The following SMYD3 variants were observed in gnomAD, a reference collection of about 807,000 sequenced individuals.
SMYD3 encodes histone-lysine N-methyltransferase SMYD3.
A neutral mutation model predicts 57.7 loss-of-function variants in SMYD3; 36 were observed. The ratio of observed to expected loss-of-function variants is 0.62; its 90% CI spans 0.48 to 0.82. SMYD3 has a LOEUF of 0.82. Among genes scored for constraint, SMYD3 ranks in the 40% least tolerant of loss-of-function variants. SMYD3 has a pLI of 0.00. For synonymous variants in SMYD3, 211 were observed against 195.0 expected, an observed-to-expected ratio of 1.08 and a Z score of -0.68; for missense variants, 515 against 538.8, an observed-to-expected ratio of 0.96 and a Z score of 0.44.
chr1:246,072,427 C>A (rs925020124), intron 5 of SMYD3, among the ~76,000 whole-genome samples: 1 of 152,206 alleles, frequency 6.6e-6, no homozygotes, highest in African/African-American at 2.4e-5. Flanking sequence ...GGGAGGGATT[C>A]GTGTGCTTTC....
intron 1 of SMYD3, among the ~76,000 whole-genome samples, chr1:246,432,794 T>TTTTTTAAATAAG (rs2067316910): frequency 6.6e-6 from 1 of 152,212 alleles, no homozygotes; most frequent in African/African-American, 2.4e-5. Context: ...TTCCGAAAGC[T>TTTTTTAAATAAG]TTTTTTAATA....
chr1:246,465,511 G>A (rs948042322), intron 1 of SMYD3, among the ~76,000 whole-genome samples: 1 of 152,116 alleles, frequency 6.6e-6, no homozygotes, highest in African/African-American at 2.4e-5. Flanking sequence ...AATGAAGGAA[G>A]TTGAAAAGTT....
chr1:246,101,076 T>TG (rs1373578404), intron 5 of SMYD3, among the ~76,000 whole-genome samples: 7 of 122,538 alleles, frequency 5.7e-5, no homozygotes, highest in African/African-American at 1.6e-4. Flanking sequence ...TTTTTGTTTT[T>TG]TTTTTTTTTT....
intron 5 of SMYD3, among the ~76,000 whole-genome samples, chr1:246,076,085 A>C (rs2787963): frequency 0.2 from 30,703 of 152,062 alleles, 3,587 homozygotes; most frequent in East Asian, 0.4. Context: ...CAATGTATTC[A>C]TCTGCATAAG....
At chr1:245,926,248 A>T (rs1213574609) in intron 7 of SMYD3, among the ~76,000 whole-genome samples, 1 of 152,248 alleles carries the variant, frequency 6.6e-6, no homozygotes, top group Non-Finnish European at 1.5e-5. Context: ...TCTGGGGGAC[A>T]TGTTTAAATC....
intron 5 of SMYD3, among the ~76,000 whole-genome samples, chr1:246,191,768 C>T (rs770220848): frequency 7.9e-5 from 12 of 152,224 alleles, no homozygotes; most frequent in East Asian, 5.8e-4. Context: ...CTGTATCTGC[C>T]CAAGATCTCA....
intron 5 of SMYD3, among the ~76,000 whole-genome samples, chr1:246,211,255 C>T (rs528798158): frequency 2.6e-5 from 4 of 152,178 alleles, no homozygotes; most frequent in Non-Finnish European, 4.4e-5. Flanking sequence ...TTTGCTATAC[C>T]GTTTCATTCT....
intron 10 of SMYD3, 111 bp downstream of exon 10, chr1:245,858,385 A>C: frequency 2.8e-6 from 3 of 1,085,662 alleles, no homozygotes; most frequent in Non-Finnish European, 3.9e-6. Flanking sequence ...GTTGAGAAGC[A>C]GCTGGAAATG....
At chr1:246,208,873 A>G (rs1262995357) in intron 5 of SMYD3, among the ~76,000 whole-genome samples, 2 of 152,160 alleles carry the variant, frequency 1.3e-5, no homozygotes, top group African/African-American at 4.8e-5. Flanking sequence ...AAGCAACATT[A>G]AAACCTCTTT....
intron 1 of SMYD3, among the ~76,000 whole-genome samples, chr1:246,482,402 C>T (rs144985824): frequency 1.4e-3 from 212 of 152,296 alleles, no homozygotes; most frequent in African/African-American, 4.8e-3. Context: ...CATGTGTCTA[C>T]ATCTATCACA....
chr1:245,883,452 A>C (rs1297226774), intron 8 of SMYD3, among the ~76,000 whole-genome samples: 1 of 152,212 alleles, frequency 6.6e-6, no homozygotes, highest in Non-Finnish European at 1.5e-5. Context: ...AAAAAACAAA[A>C]GTCTACCACT....
intron 5 of SMYD3, among the ~76,000 whole-genome samples, chr1:246,190,203 T>TA (rs1352132265): frequency 7.2e-5 from 11 of 151,820 alleles, no homozygotes; most frequent in African/African-American, 2.7e-4. Flanking sequence ...CTCAAAATAA[T>TA]ACTGCTTAAC....
At chr1:246,506,973 C>A in intron 1 of SMYD3, 81 bp downstream of exon 1, 1 of 1,263,048 alleles carries the variant, frequency 7.9e-7, no homozygotes, top group Non-Finnish European at 1.0e-6. Flanking sequence ...AGTCCCGCGG[C>A]TGCCGGCCGC....
At chr1:246,074,254 G>A (rs1490830535) in intron 5 of SMYD3, among the ~76,000 whole-genome samples, 1 of 151,828 alleles carries the variant, frequency 6.6e-6, no homozygotes, top group East Asian at 1.9e-4. Flanking sequence ...CAGCTCCAAA[G>A]CATTGACTTT....
intron 8 of SMYD3, among the ~76,000 whole-genome samples, chr1:245,886,353 G>T (rs967528424): frequency 1.3e-5 from 2 of 152,072 alleles, no homozygotes; most frequent in East Asian, 1.9e-4. Context: ...TCTGAAAACG[G>T]CTTGTCAACA....
intron 1 of SMYD3, among the ~76,000 whole-genome samples, chr1:246,378,504 G>A (rs2066317188): frequency 6.6e-6 from 1 of 150,830 alleles, no homozygotes; most frequent in Non-Finnish European, 1.5e-5. Context: ...CCCATGCAAT[G>A]CTTCCTGCCC....
At chr1:245,882,238 G>C (rs766424289) in intron 8 of SMYD3, among the ~76,000 whole-genome samples, 1 of 152,122 alleles carries the variant, frequency 6.6e-6, no homozygotes, top group African/African-American at 2.4e-5. Flanking sequence ...TCTGTCAATC[G>C]TGAGGTCTTG....
At chr1:246,415,017 G>A (rs2067038140) in intron 1 of SMYD3, among the ~76,000 whole-genome samples, 1 of 152,100 alleles carries the variant, frequency 6.6e-6, no homozygotes, top group Non-Finnish European at 1.5e-5. Flanking sequence ...GCGCCCGGCT[G>A]GAGCCAGGTT....
intron 1 of SMYD3, among the ~76,000 whole-genome samples, chr1:246,398,891 C>T (rs1572461668): frequency 6.6e-6 from 1 of 152,186 alleles, no homozygotes; most frequent in Non-Finnish European, 1.5e-5. Flanking sequence ...ACACCCAGCC[C>T]TCTTTCTACT....
Sources: gnomAD v4.1 joint callset for allele counts (sites outside exome capture counted in the v4.1 genomes callset) on GRCh38, gnomAD v4.1.1 for gene constraint, MANE v1.5 for transcripts, NCBI Gene and HGNC (gene_info 2026-07-23, HGNC 2026-07-21) for gene names.